The following PNLIP variants were observed in gnomAD, a reference collection of about 807,000 sequenced individuals.
The protein encoded by PNLIP is pancreatic lipase.
A neutral mutation model predicts 57.1 loss-of-function variants in PNLIP; 49 were observed. The ratio of observed to expected loss-of-function variants is 0.86; its 90% CI spans 0.68 to 1.09. PNLIP has a LOEUF of 1.09. Ranked by LOEUF, PNLIP falls within the 50% of genes least tolerant of loss-of-function variation. The pLI is 0.00. For synonymous variants in PNLIP, 209 were observed against 200.4 expected (o/e 1.04, Z -0.36); for missense variants, 503 against 570.2 (o/e 0.88, Z 1.20).
intron 5 of PNLIP, among the ~76,000 whole-genome samples, chr10:116,553,081 G>A (rs751955310): frequency 6.6e-6 from 1 of 152,020 alleles, no homozygotes; most frequent in Non-Finnish European, 1.5e-5. Context: ...CATGGTAAAT[G>A]CCCTCTACAG....
At chr10:116,562,240 C>T (rs1214618033) in intron 12 of PNLIP, among the ~76,000 whole-genome samples, 1 of 152,184 alleles carries the variant, frequency 6.6e-6, no homozygotes, top group Non-Finnish European at 1.5e-5. Flanking sequence ...TTCTGTCATT[C>T]TATCCTTCCA....
At chr10:116,553,979 C>T (rs1847224371) in intron 6 of PNLIP, 141 bp downstream of exon 6, 1 of 530,754 alleles carries the variant, frequency 1.9e-6, no homozygotes, top group Non-Finnish European at 3.3e-6. Flanking sequence ...ACGCTACAAA[C>T]TTAGACTAAA....
At chr10:116,563,462 G>C (rs1318147960) in intron 12 of PNLIP, among the ~76,000 whole-genome samples, 1 of 152,132 alleles carries the variant, frequency 6.6e-6, no homozygotes, top group East Asian at 1.9e-4. Flanking sequence ...GTTCTTTAGT[G>C]ATGATTTGTG....
At chr10:116,567,695 C>T in intron 12 of PNLIP, 40 bp from the exon 13 acceptor site, 1 of 1,543,650 alleles carries the variant, frequency 6.5e-7, no homozygotes, top group Non-Finnish European at 9.0e-7. Flanking sequence ...AGATATGTGC[C>T]AGGAAGAGGA....
At chr10:116,551,013 A>T in intron 4 of PNLIP, 85 bp from the exon 5 acceptor site, 1 of 1,149,476 alleles carries the variant, frequency 8.7e-7, no homozygotes, top group Middle Eastern at 2.7e-4. Flanking sequence ...TCAAGGAGGG[A>T]ATTTATCCTA....
intron 8 of PNLIP, 89 bp downstream of exon 8, chr10:116,555,596 A>G (rs2133203289): frequency 7.2e-7 from 1 of 1,391,816 alleles, no homozygotes; most frequent in East Asian, 2.3e-5. Context: ...GGAATTGTAC[A>G]GGTCTCACAT....
chr10:116,557,023 C>T (rs111936844), intron 9 of PNLIP, among the ~76,000 whole-genome samples: 360 of 152,190 alleles, frequency 2.4e-3, no homozygotes, highest in Middle Eastern at 6.8e-3. Flanking sequence ...AGAATACATA[C>T]GTTAATTGCT....
At position 116,551,219 on chromosome 10, in the gene PNLIP, T is replaced by C. The variant is rs1847188565; in HGVS notation, c.446T>C (p.Val149Ala). The change falls in exon 5 of 13, where the codon GTT (valine) becomes GCT (alanine). Residue 149 changes from valine (V) to alanine (A), a missense_variant. Val to Ala is a moderately conservative substitution (Grantham distance 64). Transcript: ENST00000369221. ...GTGGGAGCAGAAGTGGCATATTTTGTTGAATTTCTTCAGGTAATTACTCCC... is the reference window on the plus strand; with the variant it reads ...GTGGGAGCAGAAGTGGCATATTTTGCTGAATTTCTTCAGGTAATTACTCCC... Reference protein sequence around the residue: ...RIVGAEVAYFVEFLQSAFGYS... With the variant: ...RIVGAEVAYFAEFLQSAFGYS... 4 of 1,610,686 alleles carry C rather than the reference T, an allele frequency of 2.5e-6. No homozygotes were observed. Among genetic ancestry groups the C allele is most frequent in the African/African-American group, 1.3e-5 (1 of 74,674 alleles).
intron 2 of PNLIP, among the ~76,000 whole-genome samples, chr10:116,546,469 A>G (rs1847125508): frequency 6.6e-6 from 1 of 152,192 alleles, no homozygotes; most frequent in African/African-American, 2.4e-5. Flanking sequence ...ACATCAAGTC[A>G]AGTTAAGAGT....
At chr10:116,566,658 G>T (rs2133211106) in intron 12 of PNLIP, among the ~76,000 whole-genome samples, 1 of 152,058 alleles carries the variant, frequency 6.6e-6, no homozygotes, top group Admixed American at 6.5e-5. Context: ...ATTAATTAAG[G>T]TACTGTTTCT....
In PNLIP at chr10:116,551,104, T is replaced by C; in HGVS notation, c.331T>C (p.Phe111Leu). 6.3e-7 allele frequency: 1 copy of C among 1,591,994 alleles called. No individual in the cohort carries two copies. The highest frequency in any genetic ancestry group is 1.3e-5 in the African/African-American group (1 of 74,322). The change falls in exon 5 of 13, where the codon TTC becomes CTC. Residue 111 changes from phenylalanine to leucine, a missense_variant. Physicochemically the swap from Phe to Leu is conservative, Grantham distance 22. Coordinates refer to ENST00000369221, the MANE Select transcript of PNLIP (RefSeq NM_000936.4). ...NWLANVCKNL[F>L]KVESVNCICV... ...ATTGTGCCCCTTCCACCAGAATCTG[T>C]TCAAGGTGGAAAGTGTGAACTGTAT...
In PNLIP at chr10:116,555,430, C is replaced by G. The variant is rs1295776120; in HGVS notation, c.734C>G (p.Pro245Arg). The change falls in exon 8 of 13, where the codon CCA (proline) becomes CGA (arginine). Residue 245 changes from proline (P) to arginine (R), a missense_variant. Pro to Arg is a moderately radical substitution (Grantham distance 103). Coordinates refer to ENST00000369221, the MANE Select transcript of PNLIP (RefSeq NM_000936.4). ...GTCGTGGGCCACCTAGATTTCTTTCCAAATGGAGGAGTGGAAATGCCTGGA... is the reference window on the plus strand; with the variant it reads ...GTCGTGGGCCACCTAGATTTCTTTCGAAATGGAGGAGTGGAAATGCCTGGA... ...SQVVGHLDFFPNGGVEMPGCK... is the reference protein window; with the variant it reads ...SQVVGHLDFFRNGGVEMPGCK... 6.2e-7 allele frequency: 1 copy of G among 1,614,036 alleles called. No homozygotes were observed. Among genetic ancestry groups the G allele is most frequent in the East Asian group, 2.2e-5 (1 of 44,884 alleles).
At chr10:116,555,746 T>C (rs1186924891) in intron 8 of PNLIP, among the ~76,000 whole-genome samples, 1 of 152,234 alleles carries the variant, frequency 6.6e-6, no homozygotes, top group East Asian at 1.9e-4. Context: ...CTTTTATTTA[T>C]TTAAACCAAT....
rs769289811 is a variant in PNLIP, at chr10:116,560,456, G to C, written c.1101G>C (p.Lys367Asn). The C allele has an allele frequency of 2.5e-6, 4 of 1,607,858 alleles. No individual in the cohort carries two copies. The African/African-American group carries it at 5.4e-5, about 22-fold the overall frequency. The change falls in exon 11 of 13, where the codon AAG (lysine) becomes AAC (asparagine). Residue 367 changes from lysine to asparagine, a missense_variant. Transcript: ENST00000369221. Reference sequence around the variant, plus strand: ...TATCTGTCACACTGTCTGGAAAAAAGGTTACAGGACACATACTAGTTTCTT... The same window carrying C: ...TATCTGTCACACTGTCTGGAAAAAACGTTACAGGACACATACTAGTTTCTT... ...YKVSVTLSGK[K>N]VTGHILVSLF... is the part of the protein sequence containing the mutation.
At chr10:116,551,654 T>A (rs989637944) in intron 5 of PNLIP, among the ~76,000 whole-genome samples, 29 of 152,222 alleles carry the variant, frequency 1.9e-4, no homozygotes, top group Admixed American at 2.0e-4. Context: ...TGTGTTTAAA[T>A]AATTGTTTTT....
At chr10:116,554,829 A>G (rs890409511) in intron 6 of PNLIP, among the ~76,000 whole-genome samples, 26 of 152,144 alleles carry the variant, frequency 1.7e-4, no homozygotes, top group Non-Finnish European at 4.4e-5. Context: ...GGTCTCAGTG[A>G]CGTTTGTGAA....
intron 12 of PNLIP, 56 bp downstream of exon 12, chr10:116,561,692 A>T: frequency 6.8e-7 from 1 of 1,476,654 alleles, no homozygotes. Flanking sequence ...TTATAGTTCT[A>T]TTCCCACTAA....
rs189971367 is a variant in PNLIP at position 116,566,835 on chromosome 10, G to T, written c.1335-900G>T. ...ATTTGTGAGGCTGCCAGTCATTGAG[G>T]AAGTGAGCGTGAAGGGAAAAAAACA... is the stretch of plus-strand genomic sequence containing the variant. On this transcript the variant is annotated intron_variant, in intron 12 of 12. Coordinates refer to ENST00000369221, the MANE Select transcript of PNLIP (RefSeq NM_000936.4). 2.1e-3 allele frequency among the ~76,000 whole-genome samples: 320 copies of T among 152,226 alleles called. 3 individuals carry two copies. The highest frequency in any genetic ancestry group is 1.8e-4 in the Non-Finnish European group (12 of 68,008).
At chr10:116,550,288 G>A (rs1323820197) in intron 4 of PNLIP, among the ~76,000 whole-genome samples, 1 of 151,200 alleles carries the variant, frequency 6.6e-6, no homozygotes, top group Non-Finnish European at 1.5e-5. Flanking sequence ...TCGATCTCAT[G>A]ACCTTGTGAT....
Sources: allele counts gnomAD v4.1 joint callset (sites outside exome capture counted in the v4.1 genomes callset), GRCh38; gene constraint gnomAD v4.1.1; transcripts MANE v1.5; gene names NCBI Gene and HGNC (gene_info 2026-07-23, HGNC 2026-07-21).